FGF13: variants seen among roughly 807,000 people sequenced by gnomAD.
The protein encoded by FGF13 is fibroblast growth factor 13, also known as fibroblast growth factor homologous factor 2.
Under a neutral mutation model 19.5 loss-of-function variants are expected in FGF13, and 2 were observed. The observed-to-expected ratio is 0.10, with a 90% CI of 0.04 to 0.32. FGF13 has a LOEUF of 0.32. FGF13 is among the 10% of genes least tolerant of loss of function. FGF13 has a pLI of 1.00. For synonymous variants in FGF13, 72 were observed against 76.9 expected (o/e 0.94, Z 0.33); for missense variants, 113 against 192.7 (o/e 0.59, Z 2.45).
At chrX:138,779,080 T>A (rs976453794) in intron 3 of FGF13, among the ~76,000 whole-genome samples, 1 of 111,707 alleles carries the variant, frequency 9.0e-6, no homozygotes, top group Admixed American at 9.5e-5. Context: ...TGCAGGGTAC[T>A]CCAACAGACC....
chrX:139,065,466 C>A (rs1603175183), intron 1 of FGF13, among the ~76,000 whole-genome samples: 1 of 75,805 alleles, frequency 1.3e-5, no homozygotes. Flanking sequence ...GAATATTTAC[C>A]AAGCAAACGG....
intron 1 of FGF13, among the ~76,000 whole-genome samples, chrX:139,069,213 C>G (rs2092367949): frequency 1.2e-5 from 1 of 84,198 alleles, no homozygotes; most frequent in African/African-American, 4.4e-5. Flanking sequence ...GGAACCAACC[C>G]AAATGTCCAA....
chrX:138,851,268 C>T (rs982899017), intron 3 of FGF13, among the ~76,000 whole-genome samples: 5 of 111,678 alleles, frequency 4.5e-5, no homozygotes, highest in Non-Finnish European at 9.4e-5. Flanking sequence ...AATGGGATAG[C>T]TGGGTCAAAT....
intron 1 of FGF13, among the ~76,000 whole-genome samples, chrX:138,953,893 A>T (rs192632011): frequency 1.1e-4 from 12 of 111,247 alleles, no homozygotes; most frequent in African/African-American, 2.9e-4. Flanking sequence ...TGGTAAAAAA[A>T]AAATAAATAA....
chrX:138,875,395 C>T (rs2091382827), intron 1 of FGF13, among the ~76,000 whole-genome samples: 1 of 111,651 alleles, frequency 9.0e-6, no homozygotes, highest in African/African-American at 3.3e-5. Context: ...GGAGGCCACT[C>T]ATCCTTGACT....
At chrX:139,202,772 G>C (rs1461726325) in intron 1 of FGF13, among the ~76,000 whole-genome samples, 1 of 111,307 alleles carries the variant, frequency 9.0e-6, no homozygotes, top group Non-Finnish European at 1.9e-5. Context: ...GAAAGGAGTG[G>C]GAGTGAAGGG....
intron 1 of FGF13, among the ~76,000 whole-genome samples, chrX:139,052,921 T>C (rs1445212113): frequency 9.0e-6 from 1 of 111,337 alleles, no homozygotes; most frequent in East Asian, 2.8e-4. Flanking sequence ...AGGTCTTCAG[T>C]GGTGATTTGT....
chrX:138,834,254 T>G (rs1314152815), intron 3 of FGF13, among the ~76,000 whole-genome samples: 1 of 112,027 alleles, frequency 8.9e-6, no homozygotes, highest in Admixed American at 9.5e-5. Flanking sequence ...ACTGGTAGAA[T>G]TCAGCTGTGA....
intron 3 of FGF13, among the ~76,000 whole-genome samples, chrX:138,701,735 GTTA>G (rs1316238132): frequency 8.9e-6 from 1 of 112,110 alleles, no homozygotes; most frequent in Non-Finnish European, 1.9e-5. Flanking sequence ...GCAAAACAGG[GTTA>G]TCATATGGTT....
At chrX:139,172,298 C>T (rs1041848659) in intron 1 of FGF13, among the ~76,000 whole-genome samples, 1 of 111,892 alleles carries the variant, frequency 8.9e-6, no homozygotes, top group Non-Finnish European at 1.9e-5. Flanking sequence ...ATTCCTGCAG[C>T]AGGTTGTAAG....
chrX:138,726,204 AAT>A (rs2124281140), intron 1 of FGF13, among the ~76,000 whole-genome samples: 1 of 111,353 alleles, frequency 9.0e-6, no homozygotes, highest in African/African-American at 3.3e-5. Flanking sequence ...TGCTACATCA[AAT>A]TGAAAAAAAA....
chrX:139,084,375 C>T (rs1289927476), intron 1 of FGF13, among the ~76,000 whole-genome samples: 1 of 111,775 alleles, frequency 8.9e-6, no homozygotes, highest in East Asian at 2.8e-4. Context: ...CTTGTTTGGG[C>T]ACCTTGGACA....
chrX:139,178,471 A>G lies in FGF13; in HGVS notation c.-113+24945T>C, dbSNP rs150689799. Among the ~76,000 whole-genome samples, 837 of 112,406 alleles carry G rather than the reference A, an allele frequency of 7.4e-3. 10 individuals are homozygous for G. The highest frequency in any genetic ancestry group is 0.026 in the African/African-American group (806 of 30,928). The stretch of plus-strand genomic sequence containing the variant: ...CCTCAGAGAAAATGCTGCCAAGTAT[A>G]TGATTATTTCCATGCGAACACTACA... On this transcript the variant is annotated intron_variant, in intron 1 of 2. Coordinates refer to the FGF13 transcript ENST00000421460.
intron 1 of FGF13, among the ~76,000 whole-genome samples, chrX:139,069,649 C>T (rs748826165): frequency 7.2e-5 from 8 of 111,760 alleles, no homozygotes; most frequent in African/African-American, 2.6e-4. Flanking sequence ...TCATATGGAA[C>T]CAAAACAGTG....
chrX:138,988,534 T>C (rs1174244883), intron 1 of FGF13, among the ~76,000 whole-genome samples: 1 of 112,233 alleles, frequency 8.9e-6, no homozygotes, highest in East Asian at 2.8e-4. Flanking sequence ...TCTAAAAGGC[T>C]CCAGGTTCTG....
At position 138,626,130 on chromosome X, in the gene FGF13, G is replaced by A. The variant is rs754008705; in HGVS notation, c.*6720C>T. 4.5e-5 allele frequency: 5 copies of A among 112,056 alleles called. No individual in the cohort carries two copies. The highest frequency in any genetic ancestry group is 9.4e-5 in the Non-Finnish European group (5 of 53,234). The allele number at this position is 112,056 out of a possible 1,213,427, so 9.2% of individuals were successfully genotyped here. A position where few individuals can be genotyped will look rare whatever the true frequency, so the allele number is the denominator to read the frequency against. On this transcript the variant is annotated 3_prime_UTR_variant, in exon 5 of 5. Transcript: ENST00000315930. ...ACATGTAGAGCAACTCCATTTCAGA[G>A]ATGCTCAAATAATACAGGCCTAAGT... is the stretch of plus-strand genomic sequence containing the variant.
chrX:138,668,294 A>G (rs1425672148), intron 3 of FGF13, among the ~76,000 whole-genome samples: 1 of 111,570 alleles, frequency 9.0e-6, no homozygotes, highest in Non-Finnish European at 1.9e-5. Context: ...CATAAACCTT[A>G]TAAGCATTTG....
intron 1 of FGF13, among the ~76,000 whole-genome samples, chrX:138,728,576 T>C (rs1417954453): frequency 9.0e-6 from 1 of 110,721 alleles, no homozygotes; most frequent in African/African-American, 3.3e-5. Flanking sequence ...GTTAAAACCC[T>C]CCCACACTCT....
chrX:139,060,713 C>T (rs907987400), intron 1 of FGF13, among the ~76,000 whole-genome samples: 2 of 111,540 alleles, frequency 1.8e-5, no homozygotes, highest in African/African-American at 6.5e-5. Flanking sequence ...TTTCATTTAA[C>T]GTATATACTT....
Sources: gnomAD v4.1 joint callset for allele counts (sites outside exome capture counted in the v4.1 genomes callset) on GRCh38, gnomAD v4.1.1 for gene constraint, MANE v1.5 for transcripts, NCBI Gene and HGNC (gene_info 2026-07-23, HGNC 2026-07-21) for gene names.